The following KALRN variants were observed in gnomAD, a reference collection of about 807,000 sequenced individuals.
The protein encoded by KALRN is kalirin RhoGEF kinase, also known as kalirin.
In KALRN, 70 loss-of-function variants were observed where a neutral mutation model predicts 353.7. That is an observed-to-expected ratio of 0.20 (90% CI 0.16 to 0.24). KALRN has a LOEUF of 0.24. KALRN is among the 10% of genes least tolerant of loss of function. The pLI, the probability that KALRN is intolerant of heterozygous loss-of-function variation, is 1.00. For synonymous variants in KALRN, 1,391 were observed against 1,434.8 expected, an observed-to-expected ratio of 0.97 and a Z score of 0.69; for missense variants, 2,791 against 3,756.7, an observed-to-expected ratio of 0.74 and a Z score of 6.72.
At chr3:124,595,853 A>G (rs2076216382) in intron 34 of KALRN, among the ~76,000 whole-genome samples, 4 of 152,210 alleles carry the variant, frequency 2.6e-5, no homozygotes, top group Admixed American at 2.0e-4. Flanking sequence ...AGAGTATAAT[A>G]AGCGAATGCC....
At chr3:124,375,224 A>C (rs2086426503) in intron 10 of KALRN, among the ~76,000 whole-genome samples, 1 of 152,146 alleles carries the variant, frequency 6.6e-6, no homozygotes, top group African/African-American at 2.4e-5. Context: ...GGGCCTGCTC[A>C]GTGGGAAAAG....
intron 23 of KALRN, among the ~76,000 whole-genome samples, chr3:124,458,107 C>A (rs1476634311): frequency 6.6e-6 from 1 of 151,990 alleles, no homozygotes; most frequent in Non-Finnish European, 1.5e-5. Flanking sequence ...GAAACCCCGT[C>A]TCTACTAAAA....
intron 1 of KALRN, among the ~76,000 whole-genome samples, chr3:124,221,956 C>T (rs1050513881): frequency 2.0e-5 from 3 of 152,168 alleles, no homozygotes; most frequent in African/African-American, 7.2e-5. Context: ...CAGGTGGGCG[C>T]ACCCCTCCTT....
chr3:124,150,161 T>C (rs1418688349), intron 1 of KALRN, among the ~76,000 whole-genome samples: 1 of 152,160 alleles, frequency 6.6e-6, no homozygotes, highest in African/African-American at 2.4e-5. Flanking sequence ...AAAAATTGTA[T>C]TTTTATAAAC....
chr3:124,446,538 AAG>A lies in KALRN; in HGVS notation c.3430-222_3430-221del, dbSNP rs1397305321. On this transcript the variant is annotated intron_variant, in intron 20 of 59. Transcript: ENST00000682506. ...GTGGATGATATTAGGCCTGGCCTAG[AAG>A]AGTCCTCAGTCTACTGGGGGAGACC... Among the ~76,000 whole-genome samples, 9 of 152,200 alleles carry A rather than the reference AAG, an allele frequency of 5.9e-5. 1 individual carries two copies. The South Asian group carries it at 1.9e-3, about 31-fold the overall frequency.
intron 34 of KALRN, among the ~76,000 whole-genome samples, chr3:124,617,400 G>A (rs994394848): frequency 1.3e-5 from 2 of 152,190 alleles, no homozygotes; most frequent in Admixed American, 1.3e-4. Context: ...CAAGGACTTT[G>A]CTCAGTGAGG....
At chr3:124,556,359 C>T (rs1027850882) in intron 33 of KALRN, among the ~76,000 whole-genome samples, 3 of 152,094 alleles carry the variant, frequency 2.0e-5, no homozygotes, top group South Asian at 2.1e-4. Flanking sequence ...CAGAGCTCCA[C>T]GACAATGTTC....
intron 34 of KALRN, among the ~76,000 whole-genome samples, chr3:124,605,894 G>A (rs2077295914): frequency 6.6e-6 from 1 of 152,032 alleles, no homozygotes; most frequent in Non-Finnish European, 1.5e-5. Flanking sequence ...TCCATTACAC[G>A]AGTGAAATCC....
chr3:124,502,622 G>C (rs2064729027), intron 33 of KALRN, among the ~76,000 whole-genome samples: 1 of 152,200 alleles, frequency 6.6e-6, no homozygotes, highest in South Asian at 2.1e-4. Context: ...TCTGTGCAAT[G>C]AAGGCAGTGA....
At chr3:124,544,652 A>C (rs952821929) in intron 33 of KALRN, among the ~76,000 whole-genome samples, 1 of 151,534 alleles carries the variant, frequency 6.6e-6, no homozygotes. Flanking sequence ...ATAGATATAG[A>C]TCTCACTATG....
At chr3:124,478,769 G>A (rs1218519925) in intron 27 of KALRN, among the ~76,000 whole-genome samples, 1 of 152,122 alleles carries the variant, frequency 6.6e-6, no homozygotes, top group African/African-American at 2.4e-5. Context: ...TAAATGCATT[G>A]TGTCCTGTCT....
chr3:124,691,969 C>T (rs1300710550), intron 51 of KALRN, among the ~76,000 whole-genome samples: 4 of 152,212 alleles, frequency 2.6e-5, no homozygotes, highest in African/African-American at 2.4e-5. Context: ...CCCCATCCCA[C>T]CCCAGAAAAG....
intron 34 of KALRN, among the ~76,000 whole-genome samples, chr3:124,613,281 G>A (rs183665486): frequency 1.9e-3 from 289 of 152,270 alleles, no homozygotes; most frequent in Admixed American, 4.6e-3. Context: ...TGATTGTTCC[G>A]TGTCCATCTT....
chr3:124,070,992 C>CTT (rs11351739), intron 1 of KALRN, among the ~76,000 whole-genome samples: 2 of 151,638 alleles, frequency 1.3e-5, no homozygotes, highest in Non-Finnish European at 2.9e-5. Context: ...CTTCCACTGT[C>CTT]TTTTTTTTTT....
chr3:124,609,965 G>A (rs1344579883), intron 34 of KALRN, among the ~76,000 whole-genome samples: 1 of 152,186 alleles, frequency 6.6e-6, no homozygotes, highest in East Asian at 1.9e-4. Flanking sequence ...ACAGAAACAG[G>A]CATCTTGGCT....
chr3:124,316,059 A>C (rs2149338035), intron 6 of KALRN, among the ~76,000 whole-genome samples: 1 of 152,322 alleles, frequency 6.6e-6, no homozygotes. Context: ...AGAAGGGAGC[A>C]GCACAAAAAG....
intron 1 of KALRN, among the ~76,000 whole-genome samples, chr3:124,223,308 C>A (rs569391962): frequency 3.2e-4 from 49 of 152,166 alleles, no homozygotes; most frequent in South Asian, 1.2e-3. Context: ...TAGGGTCCAG[C>A]CAAATGAGCT....
rs141752620 is a variant in KALRN, at chr3:124,667,099, C to T, written c.6619C>T (p.Leu2207=). Residue 2207 remains leucine, a synonymous_variant, in exon 47 of 60, where the codon CTG becomes TTG. Transcript: ENST00000682506. ...CAGAGAGACTTCTGAGAGGGTTGTT[C>T]TGCAAGCCGCCAACGCTGACATCCA... ...MNRETSERVV[L]QAANADIQQA... 2 of 1,614,096 alleles carry T rather than the reference C, an allele frequency of 1.2e-6. No homozygotes were observed. The highest frequency in any genetic ancestry group is 8.5e-7 in the Non-Finnish European group (1 of 1,180,038).
chr3:124,437,297 C>T (rs1264207703), intron 17 of KALRN, among the ~76,000 whole-genome samples: 1 of 152,180 alleles, frequency 6.6e-6, no homozygotes, highest in Non-Finnish European at 1.5e-5. Flanking sequence ...CTTCTCATGA[C>T]ATGAGAAGCA....
Sources: gnomAD v4.1 joint callset for allele counts (sites outside exome capture counted in the v4.1 genomes callset) on GRCh38, gnomAD v4.1.1 for gene constraint, MANE v1.5 for transcripts, NCBI Gene and HGNC (gene_info 2026-07-23, HGNC 2026-07-21) for gene names.